SV2C: variants seen among roughly 807,000 people sequenced by gnomAD.
SV2C encodes solute carrier family 22 member B3.
In SV2C, 49 loss-of-function variants were observed where a neutral mutation model predicts 79.7. The ratio of observed to expected loss-of-function variants is 0.61; its 90% CI spans 0.49 to 0.78. SV2C has a LOEUF of 0.78. Ranked by LOEUF, SV2C falls within the 30% of genes least tolerant of loss-of-function variation. SV2C has a pLI of 0.00. For missense variants in SV2C, 833 were observed against 912.9 expected, an observed-to-expected ratio of 0.91 and a Z score of 1.13; for synonymous variants, 334 against 333.2, an observed-to-expected ratio of 1.00 and a Z score of -0.03.
the SV2C span, among the ~76,000 whole-genome samples, chr5:76,030,564 A>T: frequency 2.6e-5 from 4 of 152,020 alleles, no homozygotes; most frequent in Non-Finnish European, 5.9e-5. Context: ...TGTATTAAGA[A>T]AAGATGTGTT....
chr5:75,936,566 A>G, the SV2C span, among the ~76,000 whole-genome samples: 1 of 152,198 alleles, frequency 6.6e-6, no homozygotes, highest in African/African-American at 2.4e-5. Context: ...GTTTGTGGAC[A>G]GTGACATATG....
At chr5:76,010,324 G>A in the SV2C span, among the ~76,000 whole-genome samples, 4 of 152,010 alleles carry the variant, frequency 2.6e-5, no homozygotes, top group Non-Finnish European at 5.9e-5. Context: ...ATCACTCACC[G>A]CTAATTATCC....
chr5:75,908,249 T>C, the SV2C span, among the ~76,000 whole-genome samples: 1 of 152,242 alleles, frequency 6.6e-6, no homozygotes, highest in African/African-American at 2.4e-5. Flanking sequence ...GATTTGCCTG[T>C]TCTGGACATA....
the SV2C span, among the ~76,000 whole-genome samples, chr5:76,037,193 T>A: frequency 6.6e-6 from 1 of 152,226 alleles, no homozygotes; most frequent in Non-Finnish European, 1.5e-5. Context: ...GGTTTGAATG[T>A]CCTCCCATAG....
At chr5:75,851,882 C>G in the SV2C span, among the ~76,000 whole-genome samples, 4 of 152,154 alleles carry the variant, frequency 2.6e-5, no homozygotes, top group African/African-American at 9.7e-5. Context: ...CCAGGATGGT[C>G]TCGATCTCCT....
chr5:75,963,077 A>G, the SV2C span, among the ~76,000 whole-genome samples: 39,066 of 152,044 alleles, frequency 0.26, 6,196 homozygotes, highest in Non-Finnish European at 0.37. Context: ...GAGGAAAGGC[A>G]TGGACACTCC....
chr5:76,013,944 AT>A, the SV2C span, among the ~76,000 whole-genome samples: 1 of 152,132 alleles, frequency 6.6e-6, no homozygotes, highest in Non-Finnish European at 1.5e-5. Context: ...ATAAAAGTCC[AT>A]TTTTGTTGTT....
chr5:75,933,520 C>A, the SV2C span, among the ~76,000 whole-genome samples: 3 of 152,166 alleles, frequency 2.0e-5, no homozygotes, highest in African/African-American at 7.2e-5. Flanking sequence ...AGTCTCCTGG[C>A]TGTTTCTCTT....
rs1319729756 is a variant in SV2C at position 76,209,949 on chromosome 5, ATCT to A, written c.913+68_913+70del. ...TCATTTTGCTTCAGGCTCCATTCCC[ATCT>A]TCTTCCTCTCTTCTAAGGGCCACTT... On this transcript the variant is annotated intron_variant, in intron 4 of 12. Transcript: ENST00000502798. 2.6e-6 allele frequency: 4 copies of A among 1,530,944 alleles called. No homozygotes were observed. The African/African-American group carries it at 5.5e-5, about 21-fold the overall frequency. The allele number at this position is 1,530,944 out of a possible 1,614,324, so 94.8% of individuals were successfully genotyped here. A position where few individuals can be genotyped will look rare whatever the true frequency, so the allele number is the denominator to read the frequency against.
intron 4 of SV2C, among the ~76,000 whole-genome samples, chr5:76,216,447 G>A (rs952981013): frequency 2.0e-5 from 3 of 152,184 alleles, no homozygotes; most frequent in African/African-American, 7.2e-5. Context: ...AACAAACTGA[G>A]AAGGAAATGC....
the SV2C span, among the ~76,000 whole-genome samples, chr5:76,028,439 A>T: frequency 6.6e-6 from 1 of 152,116 alleles, no homozygotes; most frequent in Non-Finnish European, 1.5e-5. Context: ...ATAGAGTAAA[A>T]CCAGTTTGGC....
chr5:75,952,632 C>T, the SV2C span, among the ~76,000 whole-genome samples: 1 of 151,780 alleles, frequency 6.6e-6, no homozygotes, highest in Admixed American at 6.6e-5. Flanking sequence ...CTGAGACCTC[C>T]TCCTTCTCTC....
At chr5:76,008,256 A>G in the SV2C span, among the ~76,000 whole-genome samples, 1 of 152,194 alleles carries the variant, frequency 6.6e-6, no homozygotes, top group African/African-American at 2.4e-5. Context: ...ACTGAAGGTG[A>G]ACACTTGTCT....
intron 4 of SV2C, among the ~76,000 whole-genome samples, chr5:76,228,879 G>A (rs1745331212): frequency 6.6e-6 from 1 of 152,188 alleles, no homozygotes; most frequent in Non-Finnish European, 1.5e-5. Context: ...AGGTGGAGGA[G>A]CTAGGATTCA....
intron 6 of SV2C, among the ~76,000 whole-genome samples, chr5:76,287,961 T>C (rs534491391): frequency 2.6e-5 from 4 of 152,098 alleles, no homozygotes; most frequent in African/African-American, 9.6e-5. Context: ...GGCACCTGCC[T>C]GTAATCCCAG....
downstream of SV2C, among the ~76,000 whole-genome samples, chr5:76,338,698 C>G (rs1037190173): frequency 1.3e-5 from 2 of 150,608 alleles, no homozygotes; most frequent in Middle Eastern, 3.2e-3. Context: ...CACTCTGTCA[C>G]CCAGGCTGGA....
intron 12 of SV2C, among the ~76,000 whole-genome samples, chr5:76,316,031 C>T (rs369767671): frequency 2.0e-5 from 3 of 152,186 alleles, no homozygotes; most frequent in African/African-American, 7.2e-5. Context: ...TCCCATTAGC[C>T]AATGGCATGG....
intron 1 of SV2C, among the ~76,000 whole-genome samples, chr5:76,121,675 T>C (rs374850405): frequency 6.6e-6 from 1 of 151,888 alleles, no homozygotes; most frequent in African/African-American, 2.4e-5. Flanking sequence ...GATCAGATAG[T>C]TGTAGATATG....
chr5:75,872,555 A>G, the SV2C span, among the ~76,000 whole-genome samples: 1 of 152,170 alleles, frequency 6.6e-6, no homozygotes, highest in Non-Finnish European at 1.5e-5. Flanking sequence ...GACAAACTAG[A>G]AAAAGATGCT....
Sources: gnomAD v4.1 joint callset for allele counts (sites outside exome capture counted in the v4.1 genomes callset) on GRCh38, gnomAD v4.1.1 for gene constraint, MANE v1.5 for transcripts, NCBI Gene and HGNC (gene_info 2026-07-23, HGNC 2026-07-21) for gene names.